The following SNTG2 variants were observed in gnomAD, a reference collection of about 807,000 sequenced individuals.
The protein encoded by SNTG2 is syntrophin gamma 2.
A neutral mutation model predicts 70.9 loss-of-function variants in SNTG2; 74 were observed. The ratio of observed to expected loss-of-function variants is 1.04; its 90% CI spans 0.86 to 1.27. The LOEUF is 1.27. Among genes scored for constraint, SNTG2 ranks in the 50% most tolerant of loss-of-function variants. The probability of loss-of-function intolerance (pLI) is 0.00; values close to 1 mark genes in which losing one functional copy is unlikely to be tolerated. For synonymous variants in SNTG2, 278 were observed against 273.8 expected, an observed-to-expected ratio of 1.02 and a Z score of -0.15; for missense variants, 717 against 690.7, an observed-to-expected ratio of 1.04 and a Z score of -0.43.
intron 1 of SNTG2, among the ~76,000 whole-genome samples, chr2:979,821 A>G (rs73167521): frequency 0.25 from 38,700 of 152,108 alleles, 5,536 homozygotes; most frequent in Middle Eastern, 0.39. Context: ...TTTCTAACAC[A>G]TTGAATGTCC....
At chr2:993,070 CTTTTTTT>C (rs59134628) in intron 1 of SNTG2, among the ~76,000 whole-genome samples, 5 of 140,512 alleles carry the variant, frequency 3.6e-5, no homozygotes, top group African/African-American at 7.9e-5. Context: ...TTTGTGGGTT[CTTTTTTT>C]TTTTTTTTTT....
At chr2:1,276,149 G>T (rs1558623929) in intron 14 of SNTG2, among the ~76,000 whole-genome samples, 1 of 152,210 alleles carries the variant, frequency 6.6e-6, no homozygotes, top group Admixed American at 6.5e-5. Flanking sequence ...AGCAAGTGCT[G>T]ATCAAGAAGC....
At chr2:1,273,567 A>G (rs1679145893) in intron 14 of SNTG2, among the ~76,000 whole-genome samples, 1 of 151,924 alleles carries the variant, frequency 6.6e-6, no homozygotes, top group African/African-American at 2.4e-5. Flanking sequence ...CTTCTGGACA[A>G]ATTATGCTGG....
chr2:954,030 A>T (rs1385687237), intron 1 of SNTG2, among the ~76,000 whole-genome samples: 1 of 152,128 alleles, frequency 6.6e-6, no homozygotes, highest in Non-Finnish European at 1.5e-5. Flanking sequence ...AAATGGGTAT[A>T]TTCAGGATAG....
intron 16 of SNTG2, among the ~76,000 whole-genome samples, chr2:1,357,946 G>A (rs1190496008): frequency 6.6e-6 from 1 of 151,870 alleles, no homozygotes; most frequent in Non-Finnish European, 1.5e-5. Flanking sequence ...AAATACCATG[G>A]TGTAAACAAC....
At position 1,127,837 on chromosome 2, in the gene SNTG2, C is replaced by G. The variant is rs549987354; in HGVS notation, c.326-9785C>G. On this transcript the variant is annotated intron_variant, in intron 4 of 16. Transcript: ENST00000308624. ...CTGTAACTTTACTGAATTCATTTATCAGTGCTAAGAGTTTTTTGGTAGAAC... is the reference window on the plus strand; with the variant it reads ...CTGTAACTTTACTGAATTCATTTATGAGTGCTAAGAGTTTTTTGGTAGAAC... 8.5e-5 allele frequency among the ~76,000 whole-genome samples: 13 copies of G among 152,228 alleles called. No individual in the cohort carries two copies. In the East Asian group the frequency reaches 2.3e-3, roughly 27 times the overall value.
chr2:1,156,531 C>A (rs4971362), intron 6 of SNTG2, among the ~76,000 whole-genome samples: 126,810 of 151,974 alleles, frequency 0.83, 54,657 homozygotes, highest in Non-Finnish European at 0.96. Flanking sequence ...GAGGATGAAC[C>A]GTCATGAATT....
chr2:1,090,055 A>G (rs1025983770), intron 2 of SNTG2, among the ~76,000 whole-genome samples: 5 of 152,268 alleles, frequency 3.3e-5, no homozygotes, highest in East Asian at 1.9e-4. Flanking sequence ...CACAGACAAC[A>G]TATTTTTTGT....
At chr2:1,152,546 A>G (rs1200926412) in intron 6 of SNTG2, among the ~76,000 whole-genome samples, 1 of 148,932 alleles carries the variant, frequency 6.7e-6, no homozygotes, top group Non-Finnish European at 1.5e-5. Context: ...ATGTGTGCAC[A>G]CACGTATGTT....
At chr2:1,315,488 A>G (rs1250243416) in intron 15 of SNTG2, among the ~76,000 whole-genome samples, 1 of 152,124 alleles carries the variant, frequency 6.6e-6, no homozygotes, top group Non-Finnish European at 1.5e-5. Context: ...CAAAAAAAAA[A>G]TTACTGTTCC....
chr2:1,367,237 T>C (rs1661535936), intron 16 of SNTG2, 106 bp from the exon 17 acceptor site: 3 of 1,053,400 alleles, frequency 2.8e-6, no homozygotes, highest in Non-Finnish European at 4.0e-6. Context: ...ATTATTTTTT[T>C]GGAGGGACTT....
At chr2:1,011,585 A>C (rs1241869246) in intron 1 of SNTG2, among the ~76,000 whole-genome samples, 2 of 152,156 alleles carry the variant, frequency 1.3e-5, no homozygotes, top group Non-Finnish European at 2.9e-5. Flanking sequence ...GCAGCATAAA[A>C]AACTGTGATT....
chr2:1,302,081 C>T (rs927602583), intron 14 of SNTG2, among the ~76,000 whole-genome samples: 2 of 151,934 alleles, frequency 1.3e-5, no homozygotes, highest in African/African-American at 4.8e-5. Flanking sequence ...CCTGCCTCAT[C>T]CTCCCAAGTA....
At chr2:1,359,209 A>G (rs1573028085) in intron 16 of SNTG2, among the ~76,000 whole-genome samples, 1 of 152,178 alleles carries the variant, frequency 6.6e-6, no homozygotes, top group East Asian at 1.9e-4. Context: ...AATTTTGTAT[A>G]TGAAACATAG....
chr2:1,023,821 C>T (rs868036608), intron 1 of SNTG2, among the ~76,000 whole-genome samples: 5 of 152,150 alleles, frequency 3.3e-5, no homozygotes, highest in African/African-American at 4.8e-5. Flanking sequence ...CATCGATGTC[C>T]GCTTACACCA....
At chr2:1,154,158 C>T (rs4073640) in intron 6 of SNTG2, among the ~76,000 whole-genome samples, 1 of 151,122 alleles carries the variant, frequency 6.6e-6, no homozygotes, top group Non-Finnish European at 1.5e-5. Flanking sequence ...AGGGAAAGGG[C>T]GCGGGCGGGG....
chr2:1,295,254 C>A (rs1680152802), intron 14 of SNTG2, among the ~76,000 whole-genome samples: 1 of 152,174 alleles, frequency 6.6e-6, no homozygotes, highest in African/African-American at 2.4e-5. Flanking sequence ...TCTCATGCCT[C>A]AGTGTGAGGA....
chr2:977,491 C>T (rs937153845), intron 1 of SNTG2, among the ~76,000 whole-genome samples: 6 of 152,106 alleles, frequency 3.9e-5, no homozygotes, highest in African/African-American at 1.4e-4. Flanking sequence ...CCTCACCTTC[C>T]CCTGACCCGC....
intron 14 of SNTG2, among the ~76,000 whole-genome samples, chr2:1,286,130 G>C (rs1347508266): frequency 6.6e-6 from 1 of 152,148 alleles, no homozygotes; most frequent in Non-Finnish European, 1.5e-5. Context: ...GTTTCCTGGT[G>C]GCAGGGTTCC....
Sources: gnomAD v4.1 joint callset for allele counts (sites outside exome capture counted in the v4.1 genomes callset) on GRCh38, gnomAD v4.1.1 for gene constraint, MANE v1.5 for transcripts, NCBI Gene and HGNC (gene_info 2026-07-23, HGNC 2026-07-21) for gene names.